The following PLGRKT variants were observed in gnomAD, a reference collection of about 807,000 sequenced individuals.
The protein encoded by PLGRKT is plasminogen receptor (KT).
In PLGRKT, 22 loss-of-function variants were observed where a neutral mutation model predicts 18.5. The observed-to-expected ratio is 1.19, with a 90% CI of 0.85 to 1.70. PLGRKT has a LOEUF of 1.70. Among genes scored for constraint, PLGRKT ranks in the 40% most tolerant of loss-of-function variants. The pLI is 0.00. For synonymous variants in PLGRKT, 72 were observed against 52.8 expected, an observed-to-expected ratio of 1.36 and a Z score of -1.58; for missense variants, 235 against 174.4, an observed-to-expected ratio of 1.35 and a Z score of -1.96.
intron 3 of PLGRKT, among the ~76,000 whole-genome samples, chr9:5,407,481 T>G (rs1490381241): frequency 6.6e-6 from 1 of 152,220 alleles, no homozygotes; most frequent in African/African-American, 2.4e-5. Flanking sequence ...CTTGTGTTTT[T>G]ATCTTTATAA....
At chr9:5,401,415 T>A (rs181633065) in intron 3 of PLGRKT, among the ~76,000 whole-genome samples, 1 of 151,882 alleles carries the variant, frequency 6.6e-6, no homozygotes, top group African/African-American at 2.4e-5. Context: ...AAATATACAA[T>A]AGAACAAACA....
chr9:5,389,063 G>A (rs556302335), intron 3 of PLGRKT, among the ~76,000 whole-genome samples: 1 of 152,040 alleles, frequency 6.6e-6, no homozygotes, highest in East Asian at 1.9e-4. Context: ...GGGTATTAGA[G>A]AGGACTTAAC....
upstream of PLGRKT, among the ~76,000 whole-genome samples, chr9:5,438,346 T>C (rs1203831272): frequency 6.6e-6 from 1 of 152,232 alleles, no homozygotes; most frequent in Non-Finnish European, 1.5e-5. Context: ...GCTTGAATTG[T>C]TGGCACTCTG....
chr9:5,409,672 C>G (rs1818324426), intron 3 of PLGRKT, among the ~76,000 whole-genome samples: 1 of 152,188 alleles, frequency 6.6e-6, no homozygotes, highest in African/African-American at 2.4e-5. Context: ...TGGAGCTGCC[C>G]AAAGCCTTGG....
At chr9:5,424,644 TTATATATAATA>T (rs1219468981) in intron 3 of PLGRKT, among the ~76,000 whole-genome samples, 5 of 71,066 alleles carry the variant, frequency 7.0e-5, no homozygotes, top group Admixed American at 1.5e-4. Context: ...TATATTTACA[TTATATATAATA>T]TAATTATATA....
chr9:5,423,073 T>C (rs1818608307), intron 3 of PLGRKT, among the ~76,000 whole-genome samples: 2 of 152,232 alleles, frequency 1.3e-5, no homozygotes, highest in Admixed American at 1.3e-4. Flanking sequence ...ATTCTGAAGA[T>C]ATGGCTCCAT....
Position 5,358,342 on chromosome 9 carries a change from A to G in PLGRKT, c.341T>C (p.Leu114Pro), listed in dbSNP as rs1361015347. The change falls in exon 6 of 6, where the codon CTG becomes CCG. Residue 114 changes from leucine to proline, a missense_variant. Physicochemically the swap from Leu to Pro is moderately conservative, Grantham distance 98 (BLOSUM62 -3). Transcript: ENST00000223864. ...ERMKGEAEDI[L>P]ETEKSKLQLP... ...CTGCAATTTACTCTTTTCTGTTTCC[A>G]GTATGTCCTCAGCTTCACCTTAAAT... 7 of 1,612,858 alleles carry G rather than the reference A, an allele frequency of 4.3e-6. No homozygotes were observed. Among genetic ancestry groups the G allele is most frequent in the South Asian group, 1.1e-5 (1 of 91,046 alleles).
At chr9:5,420,579 C>A (rs545769683) in intron 3 of PLGRKT, among the ~76,000 whole-genome samples, 7 of 152,244 alleles carry the variant, frequency 4.6e-5, no homozygotes, top group African/African-American at 1.7e-4. Flanking sequence ...ACACCCACTC[C>A]CTCGGTGAAC....
At chr9:5,420,301 G>A (rs972002885) in intron 3 of PLGRKT, among the ~76,000 whole-genome samples, 3 of 152,212 alleles carry the variant, frequency 2.0e-5, no homozygotes, top group African/African-American at 7.2e-5. Context: ...TTGGAGTGAT[G>A]AAGTGTTACA....
intron 3 of PLGRKT, among the ~76,000 whole-genome samples, chr9:5,365,125 A>T (rs1031331850): frequency 6.8e-6 from 1 of 147,752 alleles, no homozygotes; most frequent in Non-Finnish European, 1.5e-5. Flanking sequence ...CCAAAAAAAA[A>T]TAAATAAATA....
At position 5,398,137 on chromosome 9, in the gene PLGRKT, C is replaced by T. The variant is rs574104858; in HGVS notation, c.81+33760G>A. On this transcript the variant is annotated intron_variant, in intron 3 of 5. Coordinates refer to ENST00000223864, the MANE Select transcript of PLGRKT (RefSeq NM_018465.4). ...GAATAAGATCCCTTCCAAGTGGGAG[C>T]TTCTCTTTGTGACTCTGGGAAAGCT... 5.3e-3 allele frequency among the ~76,000 whole-genome samples: 799 copies of T among 151,880 alleles called. 28 individuals carry two copies. The highest frequency in any genetic ancestry group is 0.018 in the African/African-American group (749 of 41,186).
At chr9:5,386,996 G>T (rs943952581) in intron 3 of PLGRKT, among the ~76,000 whole-genome samples, 1 of 151,838 alleles carries the variant, frequency 6.6e-6, no homozygotes, top group Non-Finnish European at 1.5e-5. Flanking sequence ...AGACAAGGTT[G>T]GATGGGTGAT....
At chr9:5,383,630 G>T (rs1817786469) in intron 3 of PLGRKT, among the ~76,000 whole-genome samples, 1 of 152,142 alleles carries the variant, frequency 6.6e-6, no homozygotes. Context: ...AGGGGTGATG[G>T]GAGATAGTGA....
intron 3 of PLGRKT, among the ~76,000 whole-genome samples, chr9:5,426,005 GTTA>G (rs933390595): frequency 2.0e-5 from 3 of 152,282 alleles, no homozygotes; most frequent in African/African-American, 7.2e-5. Context: ...GGCTAAAGAT[GTTA>G]TTTAGACATG....
chr9:5,375,360 G>A (rs908317711), intron 3 of PLGRKT, among the ~76,000 whole-genome samples: 9 of 152,182 alleles, frequency 5.9e-5, no homozygotes, highest in African/African-American at 1.4e-4. Context: ...CAGGATGGTG[G>A]AAAGGAAAAT....
At chr9:5,431,531 CAAAAAAAAA>C (rs1191361436) in intron 3 of PLGRKT, among the ~76,000 whole-genome samples, 4 of 77,038 alleles carry the variant, frequency 5.2e-5, no homozygotes, top group Admixed American at 1.5e-4. Flanking sequence ...GAGACTCTCT[CAAAAAAAAA>C]AAAAAAAAAA....
chr9:5,385,157 A>G (rs2131100434), intron 3 of PLGRKT, among the ~76,000 whole-genome samples: 1 of 152,330 alleles, frequency 6.6e-6, no homozygotes, highest in East Asian at 1.9e-4. Context: ...AGTGTGATTA[A>G]TATTATTTCA....
intron 4 of PLGRKT, 109 bp downstream of exon 4, chr9:5,361,649 A>G (rs1204463003): frequency 4.0e-5 from 41 of 1,033,840 alleles, no homozygotes; most frequent in Non-Finnish European, 5.7e-5. Context: ...CTTTGGTTAC[A>G]TACACTATTT....
rs1336373322 is a variant in PLGRKT at position 5,397,771 on chromosome 9, T to C, written c.81+34126A>G. Among the ~76,000 whole-genome samples, 3 of 151,870 alleles carry C rather than the reference T, an allele frequency of 2.0e-5. No homozygotes were observed. In the East Asian group the frequency reaches 5.8e-4, roughly 29 times the overall value. The stretch of plus-strand genomic sequence containing the variant: ...GGTGCTGCCCTCAGGTCACTGAACT[T>C]ACAGAGCATAAAGATACAGGGAGCA... On this transcript the variant is annotated intron_variant, in intron 3 of 5. Transcript: ENST00000223864.
Sources: allele counts gnomAD v4.1 joint callset (sites outside exome capture counted in the v4.1 genomes callset), GRCh38; gene constraint gnomAD v4.1.1; transcripts MANE v1.5; gene names NCBI Gene and HGNC (gene_info 2026-07-23, HGNC 2026-07-21).